EYS: variants seen among roughly 807,000 people sequenced by gnomAD.
EYS encodes the protein protein eyes shut homolog.
Under a neutral mutation model 282.1 loss-of-function variants are expected in EYS, and 250 were observed. That is an observed-to-expected ratio of 0.89 (90% CI 0.80 to 0.98). EYS has a LOEUF of 0.98. Among genes scored for constraint, EYS ranks in the 50% least tolerant of loss-of-function variants. EYS has a pLI of 0.00. For missense variants in EYS, 4,016 were observed against 3,709.0 expected, an observed-to-expected ratio of 1.08 and a Z score of -2.15; for synonymous variants, 1,355 against 1,282.9, an observed-to-expected ratio of 1.06 and a Z score of -1.20.
At chr6:64,445,621 A>C (rs1775095135) in intron 26 of EYS, among the ~76,000 whole-genome samples, 1 of 152,222 alleles carries the variant, frequency 6.6e-6, no homozygotes, top group Non-Finnish European at 1.5e-5. Context: ...CTGACTTCTC[A>C]TAAAATACCT....
At chr6:64,179,865 G>A (rs1481586188) in intron 31 of EYS, among the ~76,000 whole-genome samples, 2 of 152,088 alleles carry the variant, frequency 1.3e-5, no homozygotes, top group African/African-American at 4.8e-5. Flanking sequence ...ATTACAGACA[G>A]TGAATTAAGC....
At chr6:64,311,131 T>C (rs1409808968) in intron 29 of EYS, among the ~76,000 whole-genome samples, 16 of 152,250 alleles carry the variant, frequency 1.1e-4, no homozygotes, top group Admixed American at 1.0e-3. Flanking sequence ...TGAACTCAAG[T>C]ACTGAGCCTT....
chr6:64,836,296 T>TTATA (rs557823141), intron 19 of EYS, among the ~76,000 whole-genome samples: 4 of 149,608 alleles, frequency 2.7e-5, no homozygotes, highest in African/African-American at 9.8e-5. Flanking sequence ...ATGATTTATT[T>TTATA]TATATATATA....
intron 31 of EYS, among the ~76,000 whole-genome samples, chr6:64,135,460 C>A (rs1034837442): frequency 4.0e-5 from 6 of 151,870 alleles, no homozygotes; most frequent in East Asian, 1.9e-4. Context: ...TTTAAATAGA[C>A]ACTATAACAC....
intron 33 of EYS, among the ~76,000 whole-genome samples, chr6:64,035,082 C>T (rs892995477): frequency 3.9e-5 from 6 of 152,162 alleles, no homozygotes; most frequent in African/African-American, 1.2e-4. Context: ...GCCAGGGATA[C>T]TGCTGAACAC....
At chr6:65,196,393 T>C (rs1045206491) in intron 12 of EYS, among the ~76,000 whole-genome samples, 2 of 152,122 alleles carry the variant, frequency 1.3e-5, no homozygotes, top group African/African-American at 4.8e-5. Context: ...ATAAATTTTC[T>C]TACACATGCA....
chr6:64,937,373 A>G (rs926785183), intron 15 of EYS, among the ~76,000 whole-genome samples: 1 of 151,606 alleles, frequency 6.6e-6, no homozygotes, highest in Admixed American at 6.6e-5. Flanking sequence ...ATAATGGAAG[A>G]AAATATTTGC....
intron 28 of EYS, among the ~76,000 whole-genome samples, chr6:64,425,004 A>G (rs1774355514): frequency 6.6e-6 from 1 of 152,200 alleles, no homozygotes; most frequent in Non-Finnish European, 1.5e-5. Context: ...AGAGAAAAAT[A>G]CTGAAAACGA....
intron 30 of EYS, among the ~76,000 whole-genome samples, chr6:64,280,098 G>T (rs559079441): frequency 6.6e-6 from 1 of 152,160 alleles, no homozygotes; most frequent in South Asian, 2.1e-4. Flanking sequence ...GCTCTCTCAC[G>T]TATAAATTAC....
chr6:64,155,890 G>A (rs986372574), intron 31 of EYS, among the ~76,000 whole-genome samples: 6 of 151,886 alleles, frequency 4.0e-5, no homozygotes, highest in East Asian at 3.9e-4. Flanking sequence ...GTCCCCTAAC[G>A]ATAAAATGAC....
chr6:65,289,768 C>A (rs1768472213), intron 12 of EYS, among the ~76,000 whole-genome samples: 1 of 151,068 alleles, frequency 6.6e-6, no homozygotes, highest in Non-Finnish European at 1.5e-5. Context: ...AGCACACTTC[C>A]TTTCAGTCCT....
At chr6:64,967,980 C>T (rs1770153922) in intron 14 of EYS, among the ~76,000 whole-genome samples, 1 of 152,200 alleles carries the variant, frequency 6.6e-6, no homozygotes, top group Non-Finnish European at 1.5e-5. Context: ...AAGCCTAGAA[C>T]TCAGCAGAAA....
intron 36 of EYS, among the ~76,000 whole-genome samples, chr6:63,846,284 C>T (rs967842550): frequency 6.6e-6 from 1 of 152,228 alleles, no homozygotes; most frequent in African/African-American, 2.4e-5. Context: ...GGGAAGCCCC[C>T]TTTGGTGTTT....
intron 22 of EYS, among the ~76,000 whole-genome samples, chr6:64,677,980 A>G (rs1158194672): frequency 6.6e-6 from 1 of 152,086 alleles, no homozygotes; most frequent in Non-Finnish European, 1.5e-5. Flanking sequence ...ATTTTCAAAG[A>G]TAGTAAAACT....
intron 2 of EYS, among the ~76,000 whole-genome samples, chr6:65,614,023 G>C (rs777497516): frequency 3.9e-5 from 6 of 151,964 alleles, no homozygotes; most frequent in Non-Finnish European, 8.8e-5. Flanking sequence ...TGGTGTCCAT[G>C]ATTAGTACAA....
intron 14 of EYS, among the ~76,000 whole-genome samples, chr6:64,992,361 T>C (rs980283023): frequency 2.6e-5 from 4 of 151,868 alleles, no homozygotes; most frequent in Admixed American, 2.0e-4. Flanking sequence ...AATCTTCAAA[T>C]GCTGTCTCTG....
intron 1 of EYS, among the ~76,000 whole-genome samples, chr6:65,692,525 A>G (rs1487247633): frequency 2.0e-5 from 3 of 150,300 alleles, no homozygotes; most frequent in Non-Finnish European, 4.4e-5. Context: ...TTTCCTGGTA[A>G]TGAAAAAAGT....
chr6:65,202,937 C>T (rs562582830), intron 12 of EYS, among the ~76,000 whole-genome samples: 1 of 152,272 alleles, frequency 6.6e-6, no homozygotes, highest in South Asian at 2.1e-4. Context: ...CACTAGACAC[C>T]TGCTAAGGTT....
At chr6:65,075,016 A>G (rs2150168153) in intron 12 of EYS, among the ~76,000 whole-genome samples, 1 of 152,240 alleles carries the variant, frequency 6.6e-6, no homozygotes, top group African/African-American at 2.4e-5. Flanking sequence ...GTCATTGTGT[A>G]TAATACTGAA....
Sources: allele counts gnomAD v4.1 joint callset (sites outside exome capture counted in the v4.1 genomes callset), GRCh38; gene constraint gnomAD v4.1.1; transcripts MANE v1.5; gene names NCBI Gene and HGNC (gene_info 2026-07-23, HGNC 2026-07-21).